CLK4: variants seen among roughly 807,000 people sequenced by gnomAD.
CLK4 encodes dual specificity protein kinase CLK4.
CLK4 carries 37 observed loss-of-function variants against 64.4 expected under a neutral mutation model. The observed-to-expected ratio is 0.57, with a 90% CI of 0.44 to 0.76. The LOEUF (loss-of-function observed/expected upper bound fraction) is 0.76, where lower values mean the gene tolerates loss of function less well. CLK4 is among the 30% of genes least tolerant of loss of function. The pLI is 0.00. For missense variants in CLK4, 457 were observed against 605.1 expected, an observed-to-expected ratio of 0.76 and a Z score of 2.57; for synonymous variants, 175 against 191.6, an observed-to-expected ratio of 0.91 and a Z score of 0.72.
At chr5:178,621,917 TGTTA>T (rs1223982819) in intron 2 of CLK4, 1 of 152,192 alleles carries the variant, frequency 6.6e-6, no homozygotes, top group Non-Finnish European at 1.5e-5. Context: ...TTCAGTTTTT[TGTTA>T]TTTTATAAAA....
chr5:178,623,111 CTAAAA>C, intron 2 of CLK4, 140 bp downstream of exon 2: 1 of 782,432 alleles, frequency 1.3e-6, no homozygotes, highest in Non-Finnish European at 2.1e-6. Flanking sequence ...CAGCGCCTAT[CTAAAA>C]TAAGTACTCA....
chr5:178,605,312 T>C lies in CLK4; in HGVS notation c.1205A>G (p.Gln402Arg), dbSNP rs1341479830. Residue 402 changes from glutamine (Q) to arginine (R), a missense_variant, in exon 11 of 13, where the codon CAG (glutamine) becomes CGG (arginine). Coordinates refer to ENST00000316308, the MANE Select transcript of CLK4 (RefSeq NM_020666.3). ...GAATCTTAAAACATACCTTGTTTTC[T>C]GAATCATGTGTTGTGGTATGGGTCC... ...ILGPIPQHMI[Q>R]KTRKRKYFHH... The C allele has an allele frequency of 6.4e-7, 1 of 1,574,242 alleles. No individual in the cohort carries two copies. The highest frequency in any genetic ancestry group is 1.4e-5 in the African/African-American group (1 of 72,370).
At position 178,614,251 on chromosome 5, in the gene CLK4, T is replaced by C. The variant is rs918524460; in HGVS notation, c.543-408A>G. Among the ~76,000 whole-genome samples, 6 of 152,214 alleles carry C rather than the reference T, an allele frequency of 3.9e-5. 1 individual carries two copies. The highest frequency in any genetic ancestry group is 8.8e-5 in the Non-Finnish European group (6 of 68,044). On this transcript the variant is annotated intron_variant, in intron 5 of 12. Transcript: ENST00000316308. Reference sequence around the variant, plus strand: ...AAAGACGGGGTGTGTCCCTACGTACTTCAAAGTCTAATGGAAAAGACAGAC... The same window carrying C: ...AAAGACGGGGTGTGTCCCTACGTACCTCAAAGTCTAATGGAAAAGACAGAC...
At chr5:178,609,714 A>G (rs1426491764) in intron 9 of CLK4, among the ~76,000 whole-genome samples, 3 of 106,780 alleles carry the variant, frequency 2.8e-5, no homozygotes, top group African/African-American at 1.1e-4. Flanking sequence ...AACAAAAATA[A>G]AAAATAATAA....
At position 178,603,264 on chromosome 5, in the gene CLK4, A is replaced by G. The variant is rs1764411193; in HGVS notation, c.*353T>C. 6.4e-6 allele frequency: 1 copy of G among 156,088 alleles called. No homozygotes were observed. Among genetic ancestry groups the G allele is most frequent in the Non-Finnish European group, 1.4e-5 (1 of 70,516 alleles). The allele number at this position is 156,088 out of a possible 1,614,324, so 9.7% of individuals were successfully genotyped here. On this transcript the variant is annotated 3_prime_UTR_variant, in exon 13 of 13. Transcript: ENST00000316308. ...GAAGTATATAAAGAATATTCCTTTAAGAATATAAAGTAGTCAAGATTTCCT... is the reference window on the plus strand; with the variant it reads ...GAAGTATATAAAGAATATTCCTTTAGGAATATAAAGTAGTCAAGATTTCCT...
intron 5 of CLK4, among the ~76,000 whole-genome samples, chr5:178,614,391 C>A (rs1189533646): frequency 6.6e-6 from 1 of 152,138 alleles, no homozygotes; most frequent in African/African-American, 2.4e-5. Context: ...GACCCCAACT[C>A]TAAGTAATGA....
intron 7 of CLK4, 69 bp downstream of exon 7, chr5:178,613,404 G>A (rs913383470): frequency 2.7e-5 from 30 of 1,096,494 alleles, no homozygotes; most frequent in African/African-American, 6.5e-5. Context: ...GGGTGACAGA[G>A]CGAGACTCCG....
chr5:178,622,293 T>C (rs186056925), intron 2 of CLK4: 41 of 286,984 alleles, frequency 1.4e-4, no homozygotes, highest in Admixed American at 2.6e-4. Flanking sequence ...CTTCCCCTTA[T>C]ATAACAATGC....
Position 178,603,722 on chromosome 5 carries a change from T to C in CLK4, c.1341A>G (p.Lys447=). 1 of 1,599,992 alleles carries C rather than the reference T, an allele frequency of 6.3e-7. No homozygotes were observed. Among genetic ancestry groups the C allele is most frequent in the African/African-American group, 1.3e-5 (1 of 74,142 alleles). The change falls in exon 13 of 13, where the codon AAA becomes AAG. Residue 447 remains lysine, a synonymous_variant. Coordinates refer to ENST00000316308, the MANE Select transcript of CLK4 (RefSeq NM_020666.3). ...FMLCHDEEHE[K]LFDLVRRMLE... ...ACATTCTTCGAACCAGGTCAAACAG[T>C]TTCTCATGTTCTTCATCATGACAAA...
chr5:178,617,382 T>C lies in CLK4; in HGVS notation c.437A>G (p.His146Arg). ...SRSIEDDEEG[H>R]LICQSGDVLR... is the part of the protein sequence containing the mutation. ...AACGTCTCCACTTTGACAGATCAGG[T>C]GACCCTCCTCATCATCCTCTATACT... is the stretch of plus-strand genomic sequence containing the variant. The change falls in exon 4 of 13, where the codon CAC (histidine) becomes CGC (arginine). Residue 146 changes from histidine (H) to arginine (R), a missense_variant. Coordinates refer to ENST00000316308, the MANE Select transcript of CLK4 (RefSeq NM_020666.3). The surrounding 1 kb of genome is among the most constrained non-coding windows in gnomAD (Gnocchi z 5.2). 6.2e-7 allele frequency: 1 copy of C among 1,614,112 alleles called. No individual in the cohort carries two copies. The highest frequency in any genetic ancestry group is 8.5e-7 in the Non-Finnish European group (1 of 1,179,942).
intron 2 of CLK4, among the ~76,000 whole-genome samples, chr5:178,621,235 T>A (rs1329140750): frequency 6.6e-6 from 1 of 152,168 alleles, no homozygotes; most frequent in African/African-American, 2.4e-5. Flanking sequence ...TGACTGTAAA[T>A]CTGGTCAGCA....
At chr5:178,607,566 C>T (rs1764485880) in intron 10 of CLK4, among the ~76,000 whole-genome samples, 1 of 127,250 alleles carries the variant, frequency 7.9e-6, no homozygotes, top group Non-Finnish European at 1.6e-5. Context: ...GGCTGGAGTG[C>T]AGTGGCATGA....
At position 178,618,604 on chromosome 5, in the gene CLK4, A is replaced by G. The variant is rs756293181; in HGVS notation, c.336T>C (p.Ser112=). 7 of 1,614,054 alleles carry G rather than the reference A, an allele frequency of 4.3e-6. No homozygotes were observed. Among genetic ancestry groups the G allele is most frequent in the Non-Finnish European group, 5.9e-6 (7 of 1,179,968 alleles). ...SKSSVRSRRS[S]PKRKRNRHCS... ...AGTGTCTATTGCGCTTCCTTTTAGG[A>G]CTGCTTCTCCTGCTGCGGACTGAAG... The change falls in exon 3 of 13, where the codon AGT becomes AGC. Residue 112 remains serine (S), a synonymous_variant. Coordinates refer to ENST00000316308, the MANE Select transcript of CLK4 (RefSeq NM_020666.3).
Position 178,623,413 on chromosome 5 carries a change from G to A in CLK4, c.4C>T (p.Arg2Trp), listed in dbSNP as rs140778498. The change falls in exon 2 of 13, where the codon CGG becomes TGG. Residue 2 changes from arginine (R) to tryptophan (W), a missense_variant. By Grantham distance (101) the Arg-to-Trp change is moderately radical. Coordinates refer to ENST00000316308, the MANE Select transcript of CLK4 (RefSeq NM_020666.3). The stretch of plus-strand genomic sequence containing the variant: ...GGACAGTGAGTTCTTTTGGAATGCC[G>A]CATCTGTTGATAGAAATGAAAAGGG... The part of the protein sequence containing the change: M[R>W]HSKRTHCPDW... 6 of 1,606,650 alleles carry A rather than the reference G, an allele frequency of 3.7e-6. No homozygotes were observed. Among genetic ancestry groups the A allele is most frequent in the Non-Finnish European group, 4.2e-6 (5 of 1,177,312 alleles).
At chr5:178,620,573 T>G in intron 2 of CLK4, 1 of 455,354 alleles carries the variant, frequency 2.2e-6, no homozygotes, top group South Asian at 1.6e-5. Flanking sequence ...ATTTAATTTT[T>G]TAAAATATCC....
At chr5:178,609,586 G>A (rs1315958237) in intron 9 of CLK4, among the ~76,000 whole-genome samples, 1 of 152,056 alleles carries the variant, frequency 6.6e-6, no homozygotes, top group Non-Finnish European at 1.5e-5. Context: ...GGGAGGCTGA[G>A]GCAGGAGAAT....
At chr5:178,623,491 T>C in intron 1 of CLK4, 75 bp from the exon 2 acceptor site, 4 of 1,234,330 alleles carry the variant, frequency 3.2e-6, no homozygotes, top group Non-Finnish European at 4.2e-6. Context: ...ATTAATATTA[T>C]TTAAGTTATC....
chr5:178,616,905 A>G lies in CLK4; in HGVS notation c.519T>C (p.Val173=), dbSNP rs766002788. The change falls in exon 5 of 13, where the codon GTT becomes GTC. Residue 173 remains valine (V), a synonymous_variant. Transcript: ENST00000316308. ...ACATGCCATGATCAATGCACTCTACAACTTTGCCAAAGGCTCCTTCACCCA... is the reference window on the plus strand; with the variant it reads ...ACATGCCATGATCAATGCACTCTACGACTTTGCCAAAGGCTCCTTCACCCA... ...DTLGEGAFGK[V]VECIDHGMDG... The G allele has an allele frequency of 1.1e-5, 18 of 1,613,852 alleles. No homozygotes were observed. The highest frequency in any genetic ancestry group is 1.5e-5 in the Non-Finnish European group (18 of 1,179,806).
At position 178,605,316 on chromosome 5, in the gene CLK4, T is replaced by A. The variant is rs1282336964; in HGVS notation, c.1201A>T (p.Ile401Phe). 1 of 1,583,034 alleles carries A rather than the reference T, an allele frequency of 6.3e-7. No homozygotes were observed. Among genetic ancestry groups the A allele is most frequent in the Non-Finnish European group, 8.6e-7 (1 of 1,167,788 alleles). ...RILGPIPQHM[I>F]QKTRKRKYFH... is the part of the protein sequence containing the mutation. Reference sequence around the variant, plus strand: ...CTTAAAACATACCTTGTTTTCTGAATCATGTGTTGTGGTATGGGTCCTAAT... The same window carrying A: ...CTTAAAACATACCTTGTTTTCTGAAACATGTGTTGTGGTATGGGTCCTAAT... Residue 401 changes from isoleucine to phenylalanine, a missense_variant, in exon 11 of 13, where the codon ATT (isoleucine) becomes TTT (phenylalanine). Physicochemically the swap from Ile to Phe is conservative, Grantham distance 21. Coordinates refer to ENST00000316308, the MANE Select transcript of CLK4 (RefSeq NM_020666.3).
Sources: gnomAD v4.1 joint callset for allele counts (sites outside exome capture counted in the v4.1 genomes callset) on GRCh38, gnomAD v4.1.1 for gene constraint, Gnocchi (gnomAD v3.1) non-coding constraint, MANE v1.5 for transcripts, NCBI Gene and HGNC (gene_info 2026-07-23, HGNC 2026-07-21) for gene names.